The following ST8SIA6 variants were observed in gnomAD, a reference collection of about 807,000 sequenced individuals.
ST8SIA6 encodes ST8 alpha-N-acetyl-neuraminide alpha-2,8-sialyltransferase 6.
In ST8SIA6, 39 loss-of-function variants were observed where a neutral mutation model predicts 33.6. The ratio of observed to expected loss-of-function variants is 1.16; its 90% CI spans 0.90 to 1.52. The LOEUF (loss-of-function observed/expected upper bound fraction) is 1.52, where lower values mean the gene tolerates loss of function less well. Ranked by LOEUF, ST8SIA6 falls within the 40% of genes most tolerant of loss-of-function variation. ST8SIA6 has a pLI of 0.00. For missense variants in ST8SIA6, 441 were observed against 443.8 expected (o/e 0.99, Z 0.06); for synonymous variants, 172 against 167.2 (o/e 1.03, Z -0.22).
intron 5 of ST8SIA6, among the ~76,000 whole-genome samples, chr10:17,329,095 C>T (rs1848221368): frequency 6.6e-6 from 1 of 152,238 alleles, no homozygotes; most frequent in Non-Finnish European, 1.5e-5. Context: ...AATGCTGGCT[C>T]TGGGAGCTGC....
intron 3 of ST8SIA6, among the ~76,000 whole-genome samples, chr10:17,367,995 G>A (rs891767984): frequency 3.9e-5 from 6 of 151,994 alleles, no homozygotes; most frequent in Admixed American, 3.9e-4. Context: ...TATCCGTACA[G>A]CACTTATCCT....
chr10:17,373,542 T>C (rs1470658574), intron 3 of ST8SIA6, among the ~76,000 whole-genome samples: 1 of 152,180 alleles, frequency 6.6e-6, no homozygotes, highest in Admixed American at 6.5e-5. Context: ...TGCAGACTGA[T>C]ACTGCCAATA....
chr10:17,333,699 ATATATATATATATATATATTTTTT>A (rs1164823537), intron 4 of ST8SIA6, among the ~76,000 whole-genome samples: 1 of 23,038 alleles, frequency 4.3e-5, no homozygotes. Flanking sequence ...ATATATATAT[ATATATATATATATATATATTTTTT>A]TTTTTTTTTT....
intron 2 of ST8SIA6, among the ~76,000 whole-genome samples, chr10:17,442,742 C>T (rs1266349286): frequency 6.6e-6 from 1 of 152,186 alleles, no homozygotes; most frequent in Non-Finnish European, 1.5e-5. Context: ...GGGTTTTCAA[C>T]TCTGCAGGTT....
chr10:17,430,960 C>A (rs1852084030), intron 2 of ST8SIA6, among the ~76,000 whole-genome samples: 2 of 152,182 alleles, frequency 1.3e-5, no homozygotes, highest in South Asian at 4.1e-4. Context: ...AAACCCCTTT[C>A]CTTTCCCTGC....
chr10:17,412,032 A>G (rs185916206), intron 2 of ST8SIA6, among the ~76,000 whole-genome samples: 1 of 151,816 alleles, frequency 6.6e-6, no homozygotes, highest in Non-Finnish European at 1.5e-5. Flanking sequence ...CTCTCGCTGC[A>G]CCCTGGCCCC....
intron 2 of ST8SIA6, among the ~76,000 whole-genome samples, chr10:17,398,050 G>C (rs1850883973): frequency 6.6e-6 from 1 of 152,220 alleles, no homozygotes; most frequent in Admixed American, 6.5e-5. Flanking sequence ...CTCTGGGCTG[G>C]GCACAGTGGC....
At chr10:17,436,983 G>C (rs531233542) in intron 2 of ST8SIA6, among the ~76,000 whole-genome samples, 1 of 152,060 alleles carries the variant, frequency 6.6e-6, no homozygotes, top group African/African-American at 2.4e-5. Context: ...GCTCAGTCTC[G>C]GGTACGTCTT....
chr10:17,325,087 A>G (rs1848083499), intron 6 of ST8SIA6, among the ~76,000 whole-genome samples: 1 of 141,524 alleles, frequency 7.1e-6, no homozygotes, highest in Non-Finnish European at 1.5e-5. Context: ...TACATATAAT[A>G]CTGTTATATA....
chr10:17,352,761 T>C (rs558544771), intron 4 of ST8SIA6, among the ~76,000 whole-genome samples: 1 of 152,090 alleles, frequency 6.6e-6, no homozygotes, highest in Admixed American at 6.6e-5. Flanking sequence ...TGTTATTAAA[T>C]ACGGAAGAAG....
Position 17,320,603 on chromosome 10 carries a change from G to C in ST8SIA6, c.*275C>G, listed in dbSNP as rs544524007. ...ATAGTAAGAAAGAAATATTCTTTGA[G>C]TCCCTACCTCACACCAAAGGCCATG... On this transcript the variant is annotated 3_prime_UTR_variant, in exon 8 of 8. Coordinates refer to ENST00000377602, the MANE Select transcript of ST8SIA6 (RefSeq NM_001004470.3). 19 of 405,868 alleles carry C rather than the reference G, an allele frequency of 4.7e-5. No individual in the cohort carries two copies. Among genetic ancestry groups the C allele is most frequent in the Non-Finnish European group, 8.0e-5 (18 of 225,452 alleles). 25.1% of individuals were successfully genotyped at this position (405,868 alleles called of 1,614,324 possible).
At chr10:17,440,441 A>G (rs1475021455) in intron 2 of ST8SIA6, among the ~76,000 whole-genome samples, 1 of 151,992 alleles carries the variant, frequency 6.6e-6, no homozygotes, top group East Asian at 1.9e-4. Context: ...CCTGACCTCA[A>G]GTGATTCACC....
intron 7 of ST8SIA6, 50 bp from the exon 8 acceptor site, chr10:17,321,396 TA>T (rs1474094466): frequency 3.5e-6 from 5 of 1,439,460 alleles, no homozygotes; most frequent in African/African-American, 1.4e-5. Flanking sequence ...ATAATCAAAG[TA>T]GCAGTTTTGA....
At chr10:17,385,954 A>G (rs1850327279) in intron 3 of ST8SIA6, among the ~76,000 whole-genome samples, 1 of 152,092 alleles carries the variant, frequency 6.6e-6, no homozygotes, top group Non-Finnish European at 1.5e-5. Context: ...AGGCCAAGGC[A>G]GGAGGATCAC....
In ST8SIA6 at chr10:17,318,077, A is replaced by T. The variant is rs1159134188; in HGVS notation, c.*2801T>A. On this transcript the variant is annotated 3_prime_UTR_variant, in exon 8 of 8. Transcript: ENST00000377602. ...TTGCCTTTGGATTTGGCTGAAAATT[A>T]TATTGGAATCTTGTTATTCTGTTTC... Among the ~76,000 whole-genome samples, 1 of 152,226 alleles carries T rather than the reference A, an allele frequency of 6.6e-6. No homozygotes were observed.
At chr10:17,380,823 TTGTG>T (rs1374602648) in intron 3 of ST8SIA6, among the ~76,000 whole-genome samples, 2 of 141,708 alleles carry the variant, frequency 1.4e-5, no homozygotes, top group Non-Finnish European at 3.0e-5. Context: ...ATGTGTACGT[TTGTG>T]TGTTTGTATG....
intron 2 of ST8SIA6, among the ~76,000 whole-genome samples, chr10:17,419,724 G>A (rs12570539): frequency 0.66 from 99,813 of 152,082 alleles, 35,190 homozygotes; most frequent in East Asian, 0.96. Flanking sequence ...GCTCCAAACA[G>A]TGAGCATCAT....
rs1438024175 is a variant in ST8SIA6, at chr10:17,454,139, C to T, written c.101+16G>A. The T allele has an allele frequency of 3.8e-6, 1 of 261,632 alleles. No homozygotes were observed. Among genetic ancestry groups the T allele is most frequent in the Non-Finnish European group, 7.1e-6 (1 of 140,326 alleles). 16.2% of individuals were successfully genotyped at this position (261,632 alleles called of 1,614,324 possible). ...GGCGCGCGGCGCGGGGCGCGGCCGG[C>T]GGGTGGGTGGGTTACCTGGCGCGGC... On this transcript the variant is annotated intron_variant, in intron 1 of 7. Transcript: ENST00000377602. The surrounding 1 kb of genome is among the most constrained non-coding windows in gnomAD (Gnocchi z 4.1).
Position 17,323,164 on chromosome 10 carries a change from T to C in ST8SIA6, c.636-7A>G. ...GGTTGGGGGTAGGTTACACCTGAAA[T>C]TTGAAAAGAAAATCATTTTCAAAAT... is the stretch of plus-strand genomic sequence containing the variant. On this transcript the variant is annotated splice_region_variant and splice_polypyrimidine_tract_variant and intron_variant, in intron 6 of 7. Coordinates refer to ENST00000377602, the MANE Select transcript of ST8SIA6 (RefSeq NM_001004470.3). 1 of 1,611,200 alleles carries C rather than the reference T, an allele frequency of 6.2e-7. No homozygotes were observed. Among genetic ancestry groups the C allele is most frequent in the Non-Finnish European group, 8.5e-7 (1 of 1,178,824 alleles).
Sources: gnomAD v4.1 joint callset for allele counts (sites outside exome capture counted in the v4.1 genomes callset) on GRCh38, gnomAD v4.1.1 for gene constraint, Gnocchi (gnomAD v3.1) non-coding constraint, MANE v1.5 for transcripts, NCBI Gene and HGNC (gene_info 2026-07-23, HGNC 2026-07-21) for gene names.